The following DPH6 variants were observed in gnomAD, a reference collection of about 807,000 sequenced individuals.
DPH6 encodes diphthamine biosynthesis 6.
In DPH6, 33 loss-of-function variants were observed where a neutral mutation model predicts 38.2. The ratio of observed to expected loss-of-function variants is 0.86; its 90% CI spans 0.65 to 1.15. The LOEUF is 1.15. Ranked by LOEUF, DPH6 falls within the 50% of genes most tolerant of loss-of-function variation. The pLI, the probability that DPH6 is intolerant of heterozygous loss-of-function variation, is 0.00. For synonymous variants in DPH6, 108 were observed against 103.0 expected, an observed-to-expected ratio of 1.05 and a Z score of -0.30; for missense variants, 325 against 320.0, an observed-to-expected ratio of 1.02 and a Z score of -0.12.
At chr15:35,499,619 G>A (rs1269297557) in intron 3 of DPH6, among the ~76,000 whole-genome samples, 1 of 152,090 alleles carries the variant, frequency 6.6e-6, no homozygotes, top group African/African-American at 2.4e-5. Context: ...TGCTATAGAG[G>A]GTCCAAGCCC....
intron 3 of DPH6, among the ~76,000 whole-genome samples, chr15:35,497,348 T>A (rs1261910531): frequency 6.6e-6 from 1 of 152,204 alleles, no homozygotes; most frequent in Non-Finnish European, 1.5e-5. Flanking sequence ...ATTTGTCATA[T>A]TGCTCAAGAA....
At position 35,388,934 on chromosome 15, in the gene DPH6, A is replaced by G. The variant is rs895276131; in HGVS notation, c.568-7018T>C. Among the ~76,000 whole-genome samples the G allele has an allele frequency of 1.6e-4, 25 of 152,014 alleles. 1 individual carries two copies. Among genetic ancestry groups the G allele is most frequent in the Admixed American group, 1.6e-3 (25 of 15,268 alleles). ...CTCTAGTTCTTTTAATTGTGATGTT[A>G]GGGTGTCAAGTTTAGATCTTTCCTG... On this transcript the variant is annotated intron_variant, in intron 6 of 8. Transcript: ENST00000256538.
intron 3 of DPH6, among the ~76,000 whole-genome samples, chr15:35,281,892 A>AT (rs1304950949): frequency 2.0e-5 from 3 of 152,106 alleles, no homozygotes; most frequent in Non-Finnish European, 4.4e-5. Flanking sequence ...AAATTGTTTG[A>AT]TTTTTTTGTT....
At chr15:35,232,703 T>C (rs1400878744) in intron 3 of DPH6, among the ~76,000 whole-genome samples, 1 of 152,242 alleles carries the variant, frequency 6.6e-6, no homozygotes, top group Admixed American at 6.5e-5. Context: ...GCAACACTTT[T>C]TTCTATCACA....
intron 3 of DPH6, among the ~76,000 whole-genome samples, chr15:35,312,844 A>G (rs1372450088): frequency 2.6e-5 from 4 of 152,116 alleles, no homozygotes; most frequent in Admixed American, 1.3e-4. Context: ...GTAGGGATTC[A>G]TATCTGGGTT....
In DPH6 at chr15:35,506,661, C is replaced by G. The variant is rs573076487; in HGVS notation, c.312+31613G>C. The stretch of plus-strand genomic sequence containing the variant: ...TCAGGATCCTATAATCACATAGGGC[C>G]TTACAATGAAGTGTTCACTCTGTAC... On this transcript the variant is annotated intron_variant, in intron 3 of 8. Coordinates refer to ENST00000256538, the MANE Select transcript of DPH6 (RefSeq NM_080650.4). Among the ~76,000 whole-genome samples the G allele has an allele frequency of 1.2e-4, 19 of 152,256 alleles. 1 individual carries two copies. Among genetic ancestry groups the G allele is most frequent in the African/African-American group, 4.3e-4 (18 of 41,552 alleles).
At chr15:35,446,157 G>T (rs1216538773) in intron 5 of DPH6, among the ~76,000 whole-genome samples, 1 of 151,430 alleles carries the variant, frequency 6.6e-6, no homozygotes, top group East Asian at 1.9e-4. Context: ...TTTGTAAACA[G>T]ATGACATAAA....
At chr15:35,173,117 CCAGATTTCTGGGAT>C in the DPH6 span, among the ~76,000 whole-genome samples, 1 of 152,028 alleles carries the variant, frequency 6.6e-6, no homozygotes, top group African/African-American at 2.4e-5. Context: ...TAAATCTGTC[CCAGATTTCTGGGAT>C]CAGTACAGAA....
At chr15:35,438,065 A>G (rs1464061330) in intron 5 of DPH6, among the ~76,000 whole-genome samples, 1 of 151,932 alleles carries the variant, frequency 6.6e-6, no homozygotes, top group East Asian at 1.9e-4. Flanking sequence ...AGGGATTTAA[A>G]TGGATTTTCA....
the DPH6 span, among the ~76,000 whole-genome samples, chr15:35,195,672 C>A: frequency 2.0e-5 from 3 of 152,158 alleles, no homozygotes; most frequent in Non-Finnish European, 1.5e-5. Flanking sequence ...TAAAAACTAT[C>A]CTCCAGGTTG....
intron 5 of DPH6, among the ~76,000 whole-genome samples, chr15:35,431,202 TG>T (rs1432938347): frequency 6.6e-6 from 1 of 152,166 alleles, no homozygotes; most frequent in African/African-American, 2.4e-5. Context: ...TGAATTCACT[TG>T]TTCACATACG....
At chr15:35,250,256 A>G (rs189133034) in intron 3 of DPH6, among the ~76,000 whole-genome samples, 26 of 152,102 alleles carry the variant, frequency 1.7e-4, no homozygotes, top group Admixed American at 1.7e-3. Context: ...CTAATGGCTT[A>G]ACATTTCCAG....
intron 3 of DPH6, chr15:35,237,272 C>T (rs1450101932): frequency 4.0e-6 from 6 of 1,488,112 alleles, no homozygotes; most frequent in African/African-American, 2.8e-5. Flanking sequence ...AACGCGCGGC[C>T]GTGTTATTGA....
the DPH6 span, among the ~76,000 whole-genome samples, chr15:35,159,771 T>C: frequency 6.6e-6 from 1 of 152,000 alleles, no homozygotes; most frequent in South Asian, 2.1e-4. Context: ...CATCCAGCAC[T>C]ATTCACAATA....
chr15:35,234,284 T>C (rs999615611), intron 3 of DPH6, among the ~76,000 whole-genome samples: 4 of 152,220 alleles, frequency 2.6e-5, no homozygotes, highest in African/African-American at 7.2e-5. Flanking sequence ...GTAAGCATGA[T>C]AGTAAGGCCT....
chr15:35,456,611 C>T (rs2141094504), intron 3 of DPH6, among the ~76,000 whole-genome samples: 1 of 151,972 alleles, frequency 6.6e-6, no homozygotes, highest in Admixed American at 6.6e-5. Flanking sequence ...CCTCAGCCTC[C>T]CGACTAGCTG....
chr15:35,457,180 C>A (rs2054008098), intron 3 of DPH6, among the ~76,000 whole-genome samples: 1 of 151,946 alleles, frequency 6.6e-6, no homozygotes, highest in Non-Finnish European at 1.5e-5. Context: ...GTCTCGAACT[C>A]CTGGACTCAA....
intron 3 of DPH6, among the ~76,000 whole-genome samples, chr15:35,526,898 T>C (rs1280067445): frequency 1.3e-5 from 2 of 152,166 alleles, no homozygotes; most frequent in African/African-American, 2.4e-5. Context: ...CATAGGAAAC[T>C]AGAAAGCATT....
At chr15:35,358,763 C>T (rs1465313577) in intron 3 of DPH6, among the ~76,000 whole-genome samples, 4 of 152,142 alleles carry the variant, frequency 2.6e-5, no homozygotes, top group African/African-American at 4.8e-5. Context: ...GCCAGAGATA[C>T]CAACACCTGT....
Sources: gnomAD v4.1 joint callset for allele counts (sites outside exome capture counted in the v4.1 genomes callset) on GRCh38, gnomAD v4.1.1 for gene constraint, MANE v1.5 for transcripts, NCBI Gene and HGNC (gene_info 2026-07-23, HGNC 2026-07-21) for gene names.